VLDLR: variants seen among roughly 807,000 people sequenced by gnomAD.
VLDLR encodes very low-density lipoprotein receptor.
VLDLR carries 81 observed loss-of-function variants against 112.7 expected under a neutral mutation model. That is an observed-to-expected ratio of 0.72 (90% confidence interval 0.60 to 0.86). The LOEUF (loss-of-function observed/expected upper bound fraction) is 0.86. Ranked by LOEUF, VLDLR falls within the 40% of genes least tolerant of loss-of-function variation. The probability of loss-of-function intolerance (pLI) is 0.00; values close to 1 mark genes in which losing one functional copy is unlikely to be tolerated. For missense variants in VLDLR, 1,237 were observed against 1,099.4 expected (o/e 1.13, Z -1.77); for synonymous variants, 436 against 384.8 (o/e 1.13, Z -1.56).
At chr9:2,653,425 A>G (rs927808430) in intron 18 of VLDLR, among the ~76,000 whole-genome samples, 1 of 152,160 alleles carries the variant, frequency 6.6e-6, no homozygotes, top group Non-Finnish European at 1.5e-5. Flanking sequence ...ATAGTCACTC[A>G]CTTGTTCTTC....
At chr9:2,651,381 G>T in intron 15 of VLDLR, 34 bp from the exon 16 acceptor site, 1 of 1,586,180 alleles carries the variant, frequency 6.3e-7, no homozygotes, top group South Asian at 1.1e-5. Context: ...CTGGAACCCT[G>T]GCATTAACCA....
chr9:2,635,681 G>T, intron 2 of VLDLR, 109 bp downstream of exon 2: 3 of 1,539,278 alleles, frequency 1.9e-6, no homozygotes, highest in Non-Finnish European at 1.8e-6. Flanking sequence ...CAATTGCTTT[G>T]AAAGAATCTA....
At chr9:2,646,635 A>G (rs990465785) in intron 11 of VLDLR, 83 bp downstream of exon 11, 15 of 1,295,902 alleles carry the variant, frequency 1.2e-5, no homozygotes, top group Admixed American at 7.6e-5. Context: ...TTAGTACTCA[A>G]ATCTCAAGGT....
In VLDLR at chr9:2,645,691, A is replaced by G; in HGVS notation, c.1430A>G (p.Asp477Gly). The change falls in exon 10 of 19, where the codon GAC becomes GGC. Residue 477 changes from aspartate to glycine, a missense_variant. Physicochemically the swap from Asp to Gly is moderately conservative, Grantham distance 94 (BLOSUM62 -1). Coordinates refer to ENST00000382100, the MANE Select transcript of VLDLR (RefSeq NM_003383.5). Reference sequence around the variant, plus strand: ...AGAAACACTGTGGCTCTCGATGCTGACATTGCTGCCCAGAAACTATTCTGG... The same window carrying G: ...AGAAACACTGTGGCTCTCGATGCTGGCATTGCTGCCCAGAAACTATTCTGG... ...QLRNTVALDA[D>G]IAAQKLFWAD... 1.9e-6 allele frequency: 3 copies of G among 1,614,208 alleles called. No homozygotes were observed. Among genetic ancestry groups the G allele is most frequent in the South Asian group, 1.1e-5 (1 of 91,088 alleles).
intron 1 of VLDLR, among the ~76,000 whole-genome samples, chr9:2,630,451 C>A (rs1467006257): frequency 6.6e-6 from 1 of 152,090 alleles, no homozygotes; most frequent in Non-Finnish European, 1.5e-5. Context: ...AATGCTTGGC[C>A]CTGGTGGCCC....
At chr9:2,648,578 G>C in intron 13 of VLDLR, 91 bp from the exon 14 acceptor site, 5 of 1,595,044 alleles carry the variant, frequency 3.1e-6, no homozygotes, top group Non-Finnish European at 4.3e-6. Flanking sequence ...AGTAAACTTA[G>C]TCCATTAAAT....
intron 4 of VLDLR, among the ~76,000 whole-genome samples, chr9:2,642,652 A>G (rs1319688237): frequency 6.6e-6 from 1 of 152,214 alleles, no homozygotes. Flanking sequence ...GAAAGTGTTT[A>G]AGACTTGTTA....
rs975874699 is a variant in VLDLR at position 2,657,429 on chromosome 9, G to A, written c.*3561G>A. On this transcript the variant is annotated 3_prime_UTR_variant, in exon 19 of 19. Transcript: ENST00000382100. ...GTTTCATAATTGTTTTATCCTGAAC[G>A]TAGTTGTGACATAGACATTTCTCAA... 1 of 152,172 alleles carries A rather than the reference G, an allele frequency of 6.6e-6. No homozygotes were observed. Among genetic ancestry groups the A allele is most frequent in the African/African-American group, 2.4e-5 (1 of 41,428 alleles). The allele number at this position is 152,172 out of a possible 1,614,324, so 9.4% of individuals were successfully genotyped here.
At chr9:2,641,285 G>C (rs1403800539) in intron 3 of VLDLR, 92 bp from the exon 4 acceptor site, 9 of 1,595,264 alleles carry the variant, frequency 5.6e-6, no homozygotes, top group African/African-American at 2.7e-5. Flanking sequence ...AGGCTACTGA[G>C]TCACAGGTAT....
rs780867114 is a variant in VLDLR, at chr9:2,643,827, C to G, written c.944-10C>G. On this transcript the variant is annotated splice_polypyrimidine_tract_variant and intron_variant, in intron 6 of 18. Coordinates refer to ENST00000382100, the MANE Select transcript of VLDLR (RefSeq NM_003383.5). Reference sequence around the variant, plus strand: ...CTCATGGAATCTCTCTTCTTTGTTTCTCTTTGTAGTCAATCAGTGCTTGGG... The same window carrying G: ...CTCATGGAATCTCTCTTCTTTGTTTGTCTTTGTAGTCAATCAGTGCTTGGG... The G allele has an allele frequency of 5.6e-6, 9 of 1,614,184 alleles. No homozygotes were observed. Among genetic ancestry groups the G allele is most frequent in the South Asian group, 1.1e-5 (1 of 91,084 alleles).
intron 2 of VLDLR, among the ~76,000 whole-genome samples, chr9:2,638,794 C>T (rs1312482187): frequency 6.6e-6 from 1 of 152,196 alleles, no homozygotes; most frequent in Admixed American, 6.5e-5. Flanking sequence ...GAATCAATTC[C>T]TCTCCTTAGG....
intron 1 of VLDLR, 66 bp from the exon 2 acceptor site, chr9:2,635,387 T>C: frequency 1.9e-6 from 3 of 1,610,476 alleles, no homozygotes; most frequent in Non-Finnish European, 1.7e-6. Flanking sequence ...TCCCCATCCA[T>C]GGGTATTAGG....
intron 14 of VLDLR, 38 bp downstream of exon 14, chr9:2,648,848 A>G (rs1563764791): frequency 6.2e-7 from 1 of 1,613,698 alleles, no homozygotes; most frequent in Non-Finnish European, 8.5e-7. Flanking sequence ...AACTACTTTA[A>G]GGGAAGCAGC....
Position 2,659,703 on chromosome 9 carries a change from A to G in VLDLR, c.*5835A>G, listed in dbSNP as rs1818731236. ...AAGAACTGTGGCTTGTAACTCAATG[A>G]TGCTATAACTCCAGCACTGGATCTT... On this transcript the variant is annotated 3_prime_UTR_variant, in exon 19 of 19. Transcript: ENST00000382100. 2.0e-5 allele frequency: 3 copies of G among 152,244 alleles called. No individual in the cohort carries two copies. The highest frequency in any genetic ancestry group is 4.4e-5 in the Non-Finnish European group (3 of 68,046). The allele number at this position is 152,244 out of a possible 1,614,324, so 9.4% of individuals were successfully genotyped here.
At chr9:2,640,498 A>C (rs959371620) in intron 3 of VLDLR, among the ~76,000 whole-genome samples, 1 of 152,220 alleles carries the variant, frequency 6.6e-6, no homozygotes, top group Non-Finnish European at 1.5e-5. Context: ...GCATATTCTT[A>C]AATAAGAGAA....
rs957069438 is a variant in VLDLR, at chr9:2,643,554, A to G, written c.820+23A>G. 3.7e-6 allele frequency: 6 copies of G among 1,614,216 alleles called. No individual in the cohort carries two copies. In the East Asian group the frequency reaches 6.7e-5, roughly 18 times the overall value. On this transcript the variant is annotated intron_variant, in intron 5 of 18. Transcript: ENST00000382100. ...GTCGTAAGTAGCTTTCTAGCATGGC[A>G]TGTTCAGTTCTCTTCCCTGTATCAA...
intron 1 of VLDLR, 116 bp from the exon 2 acceptor site, chr9:2,635,337 T>G: frequency 1.3e-6 from 2 of 1,521,182 alleles, no homozygotes; most frequent in South Asian, 1.1e-5. Context: ...GCCCTTAGGA[T>G]GTCATAGCCT....
intron 1 of VLDLR, among the ~76,000 whole-genome samples, chr9:2,630,742 A>G (rs1185520258): frequency 1.3e-5 from 2 of 152,218 alleles, no homozygotes; most frequent in East Asian, 3.8e-4. Context: ...AAAAACCCTG[A>G]GTTTCCCTCT....
intron 1 of VLDLR, among the ~76,000 whole-genome samples, chr9:2,630,118 G>A (rs1284835881): frequency 6.6e-6 from 1 of 152,154 alleles, no homozygotes; most frequent in East Asian, 1.9e-4. Flanking sequence ...CAATGTTTCA[G>A]AGGCTGACTT....
Sources: gnomAD v4.1 joint callset for allele counts (sites outside exome capture counted in the v4.1 genomes callset) on GRCh38, gnomAD v4.1.1 for gene constraint, MANE v1.5 for transcripts, NCBI Gene and HGNC (gene_info 2026-07-23, HGNC 2026-07-21) for gene names.